The following ARL8B variants were observed in gnomAD, a reference collection of about 807,000 sequenced individuals.
The protein encoded by ARL8B is ARF like GTPase 8B, also known as ADP-ribosylation factor-like protein 8B.
ARL8B carries 9 observed loss-of-function variants against 30.6 expected under a neutral mutation model. The ratio of observed to expected loss-of-function variants is 0.29; its 90% CI spans 0.18 to 0.51. The LOEUF (loss-of-function observed/expected upper bound fraction) is 0.51. ARL8B is among the 20% of genes least tolerant of loss of function. The pLI is 0.97. For missense variants in ARL8B, 130 were observed against 227.2 expected (o/e 0.57, Z 2.75); for synonymous variants, 74 against 76.0 (o/e 0.97, Z 0.14).
At chr3:5,174,576 T>G (rs1436145679) in intron 6 of ARL8B, among the ~76,000 whole-genome samples, 162 bp downstream of exon 6, 1 of 150,916 alleles carries the variant, frequency 6.6e-6, no homozygotes, top group Non-Finnish European at 1.5e-5. Flanking sequence ...TGACAACAAA[T>G]ATAGTGAACC....
chr3:5,163,443 A>C lies in ARL8B; in HGVS notation c.124-7060A>C, dbSNP rs2054598612. ...TCCAAATTTGCATATAAAACAGATC[A>C]AATTATTGATCTTTGCAAAATTATT... On this transcript the variant is annotated intron_variant, in intron 1 of 6. Transcript: ENST00000256496. 2.0e-5 allele frequency among the ~76,000 whole-genome samples: 3 copies of C among 151,638 alleles called. 1 individual carries two copies. The South Asian group carries it at 6.3e-4, about 32-fold the overall frequency.
At chr3:5,168,746 T>C (rs2054644911) in intron 1 of ARL8B, among the ~76,000 whole-genome samples, 1 of 152,228 alleles carries the variant, frequency 6.6e-6, no homozygotes, top group African/African-American at 2.4e-5. Flanking sequence ...TAAATCATGT[T>C]CTATAGGTTG....
Position 5,179,400 on chromosome 3 carries a change from G to T in ARL8B, c.*687G>T, listed in dbSNP as rs1427773029. Reference sequence around the variant, plus strand: ...AGAACTCTATCACCAGATGGCAGTTGGGATATGGGAGGAACTAAAGCATCC... The same window carrying T: ...AGAACTCTATCACCAGATGGCAGTTTGGATATGGGAGGAACTAAAGCATCC... On this transcript the variant is annotated 3_prime_UTR_variant, in exon 7 of 7. Transcript: ENST00000256496. 6.6e-6 allele frequency: 1 copy of T among 152,186 alleles called. No homozygotes were observed. Among genetic ancestry groups the T allele is most frequent in the East Asian group, 1.9e-4 (1 of 5,198 alleles). The allele number at this position is 152,186 out of a possible 1,614,324, so 9.4% of individuals were successfully genotyped here.
rs1479056058 is a variant in ARL8B at position 5,170,586 on chromosome 3, A to G, written c.204+3A>G. 3 of 1,605,132 alleles carry G rather than the reference A, an allele frequency of 1.9e-6. No individual in the cohort carries two copies. Among genetic ancestry groups the G allele is most frequent in the Non-Finnish European group, 2.6e-6 (3 of 1,172,948 alleles). On this transcript the variant is annotated splice_donor_region_variant and intron_variant, in intron 2 of 6. Transcript: ENST00000256496. ...CTAAAGGTAACGTCACAATAAAGGT[A>G]AGTTATTTCTTGCCGTACGCAATTT... is the stretch of plus-strand genomic sequence containing the variant.
At chr3:5,127,127 T>C (rs779799418) in intron 1 of ARL8B, among the ~76,000 whole-genome samples, 1 of 152,222 alleles carries the variant, frequency 6.6e-6, no homozygotes, top group African/African-American at 2.4e-5. Context: ...AAAGAGTTTG[T>C]AGAAACCTTG....
At chr3:5,171,814 G>C (rs1212845331) in intron 2 of ARL8B, among the ~76,000 whole-genome samples, 1 of 152,190 alleles carries the variant, frequency 6.6e-6, no homozygotes, top group Non-Finnish European at 1.5e-5. Flanking sequence ...ATGGTGCATG[G>C]TCCTGTAGCT....
At chr3:5,163,041 G>A (rs2054595443) in intron 1 of ARL8B, among the ~76,000 whole-genome samples, 1 of 147,264 alleles carries the variant, frequency 6.8e-6, no homozygotes, top group African/African-American at 2.6e-5. Context: ...AGGCTGGAGT[G>A]CAGTGGCGTG....
At chr3:5,141,508 C>T (rs1377458035) in intron 1 of ARL8B, among the ~76,000 whole-genome samples, 1 of 152,184 alleles carries the variant, frequency 6.6e-6, no homozygotes, top group Non-Finnish European at 1.5e-5. Context: ...AGTAATACTA[C>T]ATCCCACTGC....
intron 1 of ARL8B, among the ~76,000 whole-genome samples, chr3:5,166,550 C>T (rs779165771): frequency 2.7e-5 from 4 of 150,840 alleles, no homozygotes; most frequent in Non-Finnish European, 5.9e-5. Flanking sequence ...GTTGCCCAGA[C>T]TGGTCTTGAA....
At chr3:5,128,852 T>C (rs939271879) in intron 1 of ARL8B, among the ~76,000 whole-genome samples, 24 of 152,264 alleles carry the variant, frequency 1.6e-4, no homozygotes, top group African/African-American at 5.8e-4. Context: ...AGTTCTGAGA[T>C]AATATTACTT....
Position 5,122,915 on chromosome 3 carries a change from G to A in ARL8B, c.123+327G>A, listed in dbSNP as rs372256071. On this transcript the variant is annotated intron_variant, in intron 1 of 6. Transcript: ENST00000256496. ...GCGCTTGGGGATTGGGGTTTCCCTTGGGTTTGCCCAGTAGGGGCAGCCAAA... is the reference window on the plus strand; with the variant it reads ...GCGCTTGGGGATTGGGGTTTCCCTTAGGTTTGCCCAGTAGGGGCAGCCAAA... Among the ~76,000 whole-genome samples the A allele has an allele frequency of 6.2e-4, 95 of 152,340 alleles. No homozygotes were observed. In the South Asian group the frequency reaches 0.011, roughly 17 times the overall value.
chr3:5,126,037 A>G (rs910049910), intron 1 of ARL8B, among the ~76,000 whole-genome samples: 17 of 152,168 alleles, frequency 1.1e-4, no homozygotes, highest in Non-Finnish European at 2.1e-4. Flanking sequence ...ATATTAATTT[A>G]AAAAAGAAAA....
Position 5,122,352 on chromosome 3 carries a change from G to A in ARL8B, c.-114G>A. ...CCGCCCGCCGGTGTCCGCCCGTGTC[G>A]CGCCGGGGCACCAAGGAGCCGTTGG... On this transcript the variant is annotated 5_prime_UTR_variant, in exon 1 of 7. Transcript: ENST00000256496. 2 of 1,552,856 alleles carry A rather than the reference G, an allele frequency of 1.3e-6. No homozygotes were observed. The highest frequency in any genetic ancestry group is 1.2e-5 in the South Asian group (1 of 85,320).
At chr3:5,148,581 A>G (rs937337893) in intron 1 of ARL8B, among the ~76,000 whole-genome samples, 1 of 151,934 alleles carries the variant, frequency 6.6e-6, no homozygotes, top group Non-Finnish European at 1.5e-5. Context: ...GCTTTTTATT[A>G]GGTTCTTTTT....
chr3:5,136,911 C>G (rs1052946921), intron 1 of ARL8B, among the ~76,000 whole-genome samples: 1 of 152,176 alleles, frequency 6.6e-6, no homozygotes, highest in Non-Finnish European at 1.5e-5. Flanking sequence ...CGTCTCCTCA[C>G]AGCACTTGAT....
chr3:5,170,489 T>C lies in ARL8B; in HGVS notation c.124-14T>C, dbSNP rs370873411. The stretch of plus-strand genomic sequence containing the variant: ...AAGTGAGTAGCCTAACTTCAAATGT[T>C]TTATTTTGTTCAGTCAGGTCAATTC... On this transcript the variant is annotated splice_polypyrimidine_tract_variant and intron_variant, in intron 1 of 6. Transcript: ENST00000256496. 87 of 1,595,234 alleles carry C rather than the reference T, an allele frequency of 5.5e-5. 1 individual carries two copies. Among genetic ancestry groups the C allele is most frequent in the Non-Finnish European group, 7.2e-5 (84 of 1,167,936 alleles).
intron 1 of ARL8B, among the ~76,000 whole-genome samples, chr3:5,127,901 A>AT: frequency 6.9e-6 from 1 of 144,280 alleles, no homozygotes; most frequent in Non-Finnish European, 1.5e-5. Flanking sequence ...AAAAAAAAAA[A>AT]GCGGAGGGCC....
intron 6 of ARL8B, 134 bp downstream of exon 6, chr3:5,174,548 A>C: frequency 1.7e-6 from 1 of 605,992 alleles, no homozygotes; most frequent in Non-Finnish European, 2.9e-6. Flanking sequence ...CCTGAGAAAA[A>C]AGAATAGACA....
At chr3:5,132,088 T>G (rs757599881) in intron 1 of ARL8B, among the ~76,000 whole-genome samples, 1 of 152,264 alleles carries the variant, frequency 6.6e-6, no homozygotes, top group East Asian at 1.9e-4. Flanking sequence ...GGAATCTTGC[T>G]GTATTGCTCA....
Sources: gnomAD v4.1 joint callset for allele counts (sites outside exome capture counted in the v4.1 genomes callset) on GRCh38, gnomAD v4.1.1 for gene constraint, MANE v1.5 for transcripts, NCBI Gene and HGNC (gene_info 2026-07-23, HGNC 2026-07-21) for gene names.